RBFOX1: variants seen among roughly 807,000 people sequenced by gnomAD.
RBFOX1 encodes the protein RNA binding protein fox-1 homolog 1.
A neutral mutation model predicts 57.7 loss-of-function variants in RBFOX1; 8 were observed. That is an observed-to-expected ratio of 0.14 (90% confidence interval 0.08 to 0.25). The LOEUF (loss-of-function observed/expected upper bound fraction) is 0.25. Ranked by LOEUF, RBFOX1 falls within the 10% of genes least tolerant of loss-of-function variation. The probability of loss-of-function intolerance (pLI) is 1.00; values close to 1 mark genes in which losing one functional copy is unlikely to be tolerated. For missense variants in RBFOX1, 611 were observed against 548.5 expected, an observed-to-expected ratio of 1.11 and a Z score of -1.14; for synonymous variants, 326 against 222.4, an observed-to-expected ratio of 1.47 and a Z score of -4.15.
chr16:6,287,753 A>T (rs1417100833), intron 1 of RBFOX1, among the ~76,000 whole-genome samples: 1 of 152,152 alleles, frequency 6.6e-6, no homozygotes, highest in Admixed American at 6.6e-5. Context: ...ACCATTCTCC[A>T]TTTATCGTCA....
At chr16:6,564,190 C>T (rs2097223001) in intron 2 of RBFOX1, among the ~76,000 whole-genome samples, 1 of 152,212 alleles carries the variant, frequency 6.6e-6, no homozygotes, top group Admixed American at 6.5e-5. Context: ...CCATGATTGC[C>T]TTGCTTACCC....
At chr16:6,631,049 T>C (rs972836079) in intron 2 of RBFOX1, among the ~76,000 whole-genome samples, 2 of 152,138 alleles carry the variant, frequency 1.3e-5, no homozygotes, top group African/African-American at 4.8e-5. Context: ...ACATGATGTT[T>C]AATATGAATG....
intron 12 of RBFOX1, among the ~76,000 whole-genome samples, chr16:7,664,340 G>A (rs761482273): frequency 1.3e-5 from 2 of 152,098 alleles, no homozygotes; most frequent in Admixed American, 6.6e-5. Context: ...TACTATTAGA[G>A]ATATTCTCCA....
At chr16:5,483,548 C>A (rs1338519391) in intron 2 of RBFOX1, among the ~76,000 whole-genome samples, 1 of 152,196 alleles carries the variant, frequency 6.6e-6, no homozygotes, top group Non-Finnish European at 1.5e-5. Flanking sequence ...CTGTCTATCC[C>A]AGCCACCGTA....
intron 2 of RBFOX1, among the ~76,000 whole-genome samples, chr16:6,632,639 A>T (rs60122017): frequency 2.0e-5 from 3 of 152,170 alleles, no homozygotes; most frequent in African/African-American, 7.2e-5. Flanking sequence ...TGCTTGAGCT[A>T]TTCCACTCAT....
At chr16:6,152,120 A>G (rs2096801744) in intron 1 of RBFOX1, among the ~76,000 whole-genome samples, 1 of 152,220 alleles carries the variant, frequency 6.6e-6, no homozygotes, top group African/African-American at 2.4e-5. Flanking sequence ...GGTATCCATC[A>G]AAGCTGATGG....
At chr16:6,756,238 A>G (rs993017969) in intron 3 of RBFOX1, among the ~76,000 whole-genome samples, 1 of 152,298 alleles carries the variant, frequency 6.6e-6, no homozygotes, top group African/African-American at 2.4e-5. Flanking sequence ...ACCCTCTTCA[A>G]TAAGTAGTGC....
At chr16:6,948,636 C>A (rs1418891887) in intron 3 of RBFOX1, among the ~76,000 whole-genome samples, 2 of 152,000 alleles carry the variant, frequency 1.3e-5, no homozygotes, top group Non-Finnish European at 2.9e-5. Context: ...CTCGCCTTGG[C>A]CTCCCAAAGT....
chr16:6,597,707 A>G (rs559518730), intron 2 of RBFOX1, among the ~76,000 whole-genome samples: 7 of 152,112 alleles, frequency 4.6e-5, no homozygotes, highest in East Asian at 1.9e-4. Flanking sequence ...CAGGGACCCA[A>G]TTCTGGCTGC....
At chr16:6,374,954 C>T (rs76736903) in intron 2 of RBFOX1, among the ~76,000 whole-genome samples, 210 of 152,294 alleles carry the variant, frequency 1.4e-3, no homozygotes, top group African/African-American at 4.5e-3. Flanking sequence ...AAAATCCATT[C>T]GCCTGAGGAA....
intron 1 of RBFOX1, among the ~76,000 whole-genome samples, chr16:6,193,406 A>ACT (rs1278263472): frequency 9.3e-6 from 1 of 107,646 alleles, no homozygotes; most frequent in African/African-American, 3.4e-5. Flanking sequence ...ATATATATAT[A>ACT]TATATATATA....
chr16:6,412,616 C>T (rs1172988021), intron 2 of RBFOX1, among the ~76,000 whole-genome samples: 2 of 152,232 alleles, frequency 1.3e-5, no homozygotes, highest in Non-Finnish European at 2.9e-5. Flanking sequence ...AGGCAGCATG[C>T]ACCTGCAATA....
At chr16:7,311,083 T>A (rs1034248151) in intron 4 of RBFOX1, among the ~76,000 whole-genome samples, 3 of 152,168 alleles carry the variant, frequency 2.0e-5, no homozygotes, top group African/African-American at 7.2e-5. Flanking sequence ...ATGCTTTTTT[T>A]TCCATCTGCC....
chr16:5,750,898 G>A (rs1291496480), intron 3 of RBFOX1, among the ~76,000 whole-genome samples: 3 of 152,228 alleles, frequency 2.0e-5, no homozygotes, highest in Non-Finnish European at 4.4e-5. Flanking sequence ...ACAAGCCCCA[G>A]TGAGATGAAC....
At chr16:7,287,106 C>T (rs760715733) in intron 4 of RBFOX1, among the ~76,000 whole-genome samples, 1 of 152,112 alleles carries the variant, frequency 6.6e-6, no homozygotes, top group Non-Finnish European at 1.5e-5. Flanking sequence ...CAGAGTGTGA[C>T]ATAAATATTG....
chr16:7,304,528 G>A (rs1360730960), intron 4 of RBFOX1: 1 of 985,160 alleles, frequency 1.0e-6, no homozygotes, highest in Non-Finnish European at 1.2e-6. Context: ...TCCTGGGGCT[G>A]GGCCAGATGG....
At chr16:7,154,138 G>A (rs1447808299) in intron 4 of RBFOX1, among the ~76,000 whole-genome samples, 1 of 152,178 alleles carries the variant, frequency 6.6e-6, no homozygotes, top group African/African-American at 2.4e-5. Context: ...GCACATCATA[G>A]TTCATCATCC....
chr16:6,513,932 T>G (rs866094396), intron 2 of RBFOX1, among the ~76,000 whole-genome samples: 9 of 152,116 alleles, frequency 5.9e-5, no homozygotes, highest in Admixed American at 2.6e-4. Context: ...GAAAACGGGC[T>G]GATGGGAAGA....
At chr16:7,424,705 G>C (rs1291016109) in intron 4 of RBFOX1, among the ~76,000 whole-genome samples, 2 of 152,184 alleles carry the variant, frequency 1.3e-5, no homozygotes, top group African/African-American at 4.8e-5. Flanking sequence ...ACCTATGGAA[G>C]GGGATACAAT....
Sources: allele counts gnomAD v4.1 joint callset (sites outside exome capture counted in the v4.1 genomes callset), GRCh38; gene constraint gnomAD v4.1.1; transcripts MANE v1.5; gene names NCBI Gene and HGNC (gene_info 2026-07-23, HGNC 2026-07-21).